SUCLA2: variants seen among roughly 807,000 people sequenced by gnomAD.
SUCLA2 encodes the protein succinate-CoA ligase ADP-forming subunit beta.
A neutral mutation model predicts 54.8 loss-of-function variants in SUCLA2; 30 were observed. The ratio of observed to expected loss-of-function variants is 0.55; its 90% CI spans 0.41 to 0.74. The LOEUF is 0.74. SUCLA2 is among the 30% of genes least tolerant of loss of function. The probability of loss-of-function intolerance (pLI) is 0.00; values close to 1 mark genes in which losing one functional copy is unlikely to be tolerated. For synonymous variants in SUCLA2, 172 were observed against 188.9 expected (o/e 0.91, Z 0.74); for missense variants, 476 against 562.9 (o/e 0.85, Z 1.56).
rs1434760862 is a variant in SUCLA2, at chr13:47,953,216, C to A, written c.1107+924G>T. Among the ~76,000 whole-genome samples, 3 of 152,234 alleles carry A rather than the reference C, an allele frequency of 2.0e-5. No homozygotes were observed. The East Asian group carries it at 5.8e-4, about 29-fold the overall frequency. On this transcript the variant is annotated intron_variant, in intron 8 of 10. Transcript: ENST00000646932. ...CCCCTACACTGTAACTCTTCATATACTTTTCTCCATTCTTGCACCTGGGCC... is the reference window on the plus strand; with the variant it reads ...CCCCTACACTGTAACTCTTCATATAATTTTCTCCATTCTTGCACCTGGGCC...
intron 1 of SUCLA2, chr13:48,000,970 C>A: frequency 1.4e-6 from 2 of 1,416,062 alleles, no homozygotes; most frequent in Non-Finnish European, 1.8e-6. Flanking sequence ...GGGATCCTCG[C>A]GGACTAAGGG....
Position 47,982,697 on chromosome 13 carries a change from A to G in SUCLA2, c.534+5844T>C, listed in dbSNP as rs149894201. 4.2e-3 allele frequency among the ~76,000 whole-genome samples: 545 copies of G among 129,640 alleles called. 1 individual carries two copies. Among genetic ancestry groups the G allele is most frequent in the Middle Eastern group, 7.5e-3 (2 of 268 alleles). 85.0% of individuals were successfully genotyped at this position (129,640 alleles called of 152,430 possible). On this transcript the variant is annotated intron_variant, in intron 4 of 10. Transcript: ENST00000646932. ...AAATGGGTAAGGTAAATTTTTTGTT[A>G]TATTTTTGACAATCTAAAAAAAAAA...
chr13:47,952,597 A>T (rs1566081603), intron 8 of SUCLA2, among the ~76,000 whole-genome samples: 1 of 152,028 alleles, frequency 6.6e-6, no homozygotes, highest in African/African-American at 2.4e-5. Context: ...GGCTCCCAGA[A>T]AAGAAGAAAA....
chr13:47,994,745 C>CTTTCTAAATGAACAAGGT, intron 2 of SUCLA2: 1 of 785,910 alleles, frequency 1.3e-6, no homozygotes, highest in Non-Finnish European at 1.5e-6. Context: ...AAAAAACACA[C>CTTTCTAAATGAACAAGGT]TTTCTAAATG....
intron 1 of SUCLA2, among the ~76,000 whole-genome samples, chr13:47,998,870 T>C (rs546245430): frequency 6.6e-6 from 1 of 152,252 alleles, no homozygotes; most frequent in African/African-American, 2.4e-5. Flanking sequence ...CCACTTAAGC[T>C]GTACATCTTA....
At chr13:48,000,832 T>C (rs920413526) in intron 1 of SUCLA2, 1 of 1,124,000 alleles carries the variant, frequency 8.9e-7, no homozygotes, top group East Asian at 5.9e-5. Flanking sequence ...GCGGCGCAAG[T>C]CTCAGCCCAC....
chr13:47,961,373 T>C (rs923672122), intron 6 of SUCLA2, among the ~76,000 whole-genome samples: 1 of 152,160 alleles, frequency 6.6e-6, no homozygotes, highest in Non-Finnish European at 1.5e-5. Context: ...AAAAAGTAAA[T>C]GTTTTTGTAT....
At chr13:47,943,760 G>GTATATATA (rs1397232676) in intron 10 of SUCLA2, among the ~76,000 whole-genome samples, 293 of 129,324 alleles carry the variant, frequency 2.3e-3, no homozygotes, top group African/African-American at 8.4e-3. Flanking sequence ...GTGTGTGTGT[G>GTATATATA]TGTGTGTATA....
At chr13:47,951,123 C>A (rs567112099) in intron 8 of SUCLA2, among the ~76,000 whole-genome samples, 1 of 152,272 alleles carries the variant, frequency 6.6e-6, no homozygotes, top group East Asian at 1.9e-4. Context: ...AAGCCACTTT[C>A]ACCTGTAGTC....
chr13:47,968,452 T>C lies in SUCLA2; in HGVS notation c.802+143A>G, dbSNP rs1254516175. 7 of 901,488 alleles carry C rather than the reference T, an allele frequency of 7.8e-6. No individual in the cohort carries two copies. In the Middle Eastern group the frequency reaches 1.7e-3, roughly 222 times the overall value. The allele number at this position is 901,488 out of a possible 1,614,324, so 55.8% of individuals were successfully genotyped here. A position where few individuals can be genotyped will look rare whatever the true frequency, so the allele number is the denominator to read the frequency against. On this transcript the variant is annotated intron_variant, in intron 6 of 10. Transcript: ENST00000646932. ...TTTTAATGGGTTTAATATTTGTTCATATTCATTCTATCTGATTTTTTTTTA... is the reference window on the plus strand; with the variant it reads ...TTTTAATGGGTTTAATATTTGTTCACATTCATTCTATCTGATTTTTTTTTA...
chr13:47,975,787 G>A (rs1235472931), intron 4 of SUCLA2, among the ~76,000 whole-genome samples: 1 of 152,196 alleles, frequency 6.6e-6, no homozygotes, highest in African/African-American at 2.4e-5. Context: ...GGAGCCGCAT[G>A]GTGGGCCCCT....
At chr13:47,946,252 T>C (rs1468878193) in intron 10 of SUCLA2, among the ~76,000 whole-genome samples, 6 of 152,204 alleles carry the variant, frequency 3.9e-5, no homozygotes, top group Admixed American at 3.9e-4. Context: ...GGAATATATG[T>C]ACAGGAAGAA....
chr13:47,988,591 A>G lies in SUCLA2; in HGVS notation c.484T>C (p.Tyr162His), dbSNP rs1410603409. The G allele has an allele frequency of 1.9e-6, 3 of 1,613,912 alleles. No individual in the cohort carries two copies. Among genetic ancestry groups the G allele is most frequent in the East Asian group, 2.2e-5 (1 of 44,824 alleles). The change falls in exon 4 of 11, where the codon TAT becomes CAT. Residue 162 changes from tyrosine to histidine, a missense_variant. Physicochemically the swap from Tyr to His is moderately conservative, Grantham distance 83. Transcript: ENST00000646932. ...GCAAAGTAGTATTCTCTCCTGGGAT[A>G]TTTTCGCTCACAGACCAATACTTGA... ...CNQVLVCERK[Y>H]PRREYYFAIT...
Position 47,973,326 on chromosome 13 carries a change from C to T in SUCLA2, c.601G>A (p.Glu201Lys). Residue 201 changes from glutamate (E) to lysine (K), a missense_variant, in exon 5 of 11, where the codon GAA (glutamate) becomes AAA (lysine). Transcript: ENST00000646932. The part of the protein sequence containing the change: ...NIEDVAAESP[E>K]AIIKEPIDIE... ...TCAATAGGTTCTTTAATTATTGCTT[C>T]AGGAGACTCAGCAGCAACATCTTCA... The T allele has an allele frequency of 1.2e-6, 2 of 1,613,378 alleles. No homozygotes were observed. The highest frequency in any genetic ancestry group is 2.2e-5 in the South Asian group (2 of 91,074).
In SUCLA2 at chr13:47,988,986, A is replaced by G; in HGVS notation, c.272-5T>C. On this transcript the variant is annotated splice_region_variant and splice_polypyrimidine_tract_variant and intron_variant, in intron 2 of 10. Transcript: ENST00000646932. ...TTATCACGACATCTTTTGAACCTAG[A>G]AGAAAAACACTTCTATTAAATATGA... 6.2e-7 allele frequency: 1 copy of G among 1,612,536 alleles called. No individual in the cohort carries two copies.
chr13:47,991,066 C>T (rs1031056304), intron 2 of SUCLA2, among the ~76,000 whole-genome samples: 2 of 152,184 alleles, frequency 1.3e-5, no homozygotes, highest in Non-Finnish European at 1.5e-5. Context: ...TTCCTCATCA[C>T]CTGCAGTTTA....
At chr13:47,961,784 ATATCCT>A (rs1566084178) in intron 6 of SUCLA2, among the ~76,000 whole-genome samples, 2 of 152,214 alleles carry the variant, frequency 1.3e-5, no homozygotes, top group Non-Finnish European at 2.9e-5. Flanking sequence ...AAGTAACCAA[ATATCCT>A]TATCAACTGT....
At chr13:47,955,122 G>A (rs1436792805) in intron 6 of SUCLA2, among the ~76,000 whole-genome samples, 1 of 152,184 alleles carries the variant, frequency 6.6e-6, no homozygotes, top group Non-Finnish European at 1.5e-5. Context: ...TAAAAGAGGG[G>A]TCTCAGAACA....
At chr13:47,990,421 A>G (rs1176760783) in intron 2 of SUCLA2, among the ~76,000 whole-genome samples, 1 of 152,178 alleles carries the variant, frequency 6.6e-6, no homozygotes, top group Admixed American at 6.5e-5. Context: ...GCATGTAACA[A>G]AATATAACAT....
Sources: allele counts gnomAD v4.1 joint callset (sites outside exome capture counted in the v4.1 genomes callset), GRCh38; gene constraint gnomAD v4.1.1; transcripts MANE v1.5; gene names NCBI Gene and HGNC (gene_info 2026-07-23, HGNC 2026-07-21).